The following COMMD1 variants were observed in gnomAD, a reference collection of about 807,000 sequenced individuals.
COMMD1 encodes COMM domain-containing protein 1.
COMMD1 carries 10 observed loss-of-function variants against 17.2 expected under a neutral mutation model. The observed-to-expected ratio is 0.58, with a 90% CI of 0.36 to 0.99. COMMD1 has a LOEUF of 0.99. COMMD1 is among the 50% of genes least tolerant of loss of function. The probability of loss-of-function intolerance (pLI) is 0.01; values close to 1 mark genes in which losing one functional copy is unlikely to be tolerated. For synonymous variants in COMMD1, 97 were observed against 91.6 expected, an observed-to-expected ratio of 1.06 and a Z score of -0.34; for missense variants, 270 against 231.8, an observed-to-expected ratio of 1.17 and a Z score of -1.07.
intron 1 of COMMD1, among the ~76,000 whole-genome samples, chr2:61,896,150 C>T (rs1669544378): frequency 6.6e-6 from 1 of 152,232 alleles, no homozygotes; most frequent in Non-Finnish European, 1.5e-5. Context: ...ATGACACCAT[C>T]AAAGGAAACT....
intron 1 of COMMD1, among the ~76,000 whole-genome samples, chr2:61,989,929 A>G (rs1257080441): frequency 6.6e-6 from 1 of 152,234 alleles, no homozygotes; most frequent in East Asian, 1.9e-4. Context: ...CTGCATTTTA[A>G]TAAATACCAC....
intron 2 of COMMD1, among the ~76,000 whole-genome samples, chr2:62,050,662 G>A (rs1386917548): frequency 6.6e-6 from 1 of 152,126 alleles, no homozygotes; most frequent in Non-Finnish European, 1.5e-5. Context: ...ATGCCTTGCT[G>A]TAGAAACTTC....
At chr2:62,098,886 T>C (rs1672094605) in intron 2 of COMMD1, among the ~76,000 whole-genome samples, 1 of 152,230 alleles carries the variant, frequency 6.6e-6, no homozygotes, top group Non-Finnish European at 1.5e-5. Flanking sequence ...CAGAGAACCC[T>C]GGATCATAAG....
At chr2:62,115,670 C>G (rs945910730) in intron 2 of COMMD1, among the ~76,000 whole-genome samples, 4 of 152,028 alleles carry the variant, frequency 2.6e-5, no homozygotes, top group Admixed American at 2.0e-4. Context: ...GAAATATACA[C>G]TAAGCTAAAT....
intron 1 of COMMD1, among the ~76,000 whole-genome samples, chr2:61,986,399 G>C (rs1172529725): frequency 1.3e-5 from 2 of 151,806 alleles, no homozygotes; most frequent in Non-Finnish European, 2.9e-5. Flanking sequence ...TAACCTTCTT[G>C]TTCTTGAATA....
chr2:62,019,224 A>T (rs1669545877), intron 2 of COMMD1, among the ~76,000 whole-genome samples: 2 of 149,506 alleles, frequency 1.3e-5, no homozygotes, highest in South Asian at 4.3e-4. Context: ...CCCAGGCTGG[A>T]GTGCAATGGC....
intron 1 of COMMD1, among the ~76,000 whole-genome samples, chr2:61,996,920 C>T (rs1374695172): frequency 6.6e-6 from 1 of 152,188 alleles, no homozygotes; most frequent in Non-Finnish European, 1.5e-5. Context: ...TTTTGACATT[C>T]TTCTATGAAT....
At chr2:62,008,353 CACAGACAG>C (rs1213779652) in intron 2 of COMMD1, among the ~76,000 whole-genome samples, 3 of 148,260 alleles carry the variant, frequency 2.0e-5, no homozygotes, top group Non-Finnish European at 4.4e-5. Context: ...CATACACACA[CACAGACAG>C]ACACACACAC....
chr2:61,950,841 A>G (rs1671033280), intron 1 of COMMD1, among the ~76,000 whole-genome samples: 1 of 152,186 alleles, frequency 6.6e-6, no homozygotes, highest in Non-Finnish European at 1.5e-5. Context: ...ACTTCATCAC[A>G]CTACTCAGAT....
At chr2:62,083,561 G>A (rs373970634) in intron 2 of COMMD1, among the ~76,000 whole-genome samples, 2 of 152,196 alleles carry the variant, frequency 1.3e-5, no homozygotes, top group East Asian at 3.8e-4. Flanking sequence ...CTCTCGAAGT[G>A]TCTAAGTCAG....
At chr2:62,106,483 G>A (rs940832780) in intron 2 of COMMD1, among the ~76,000 whole-genome samples, 1 of 152,184 alleles carries the variant, frequency 6.6e-6, no homozygotes, top group African/African-American at 2.4e-5. Context: ...TGTGTGAATA[G>A]TAGAGCATGC....
intron 1 of COMMD1, among the ~76,000 whole-genome samples, chr2:61,959,361 C>A (rs560053202): frequency 6.6e-6 from 1 of 152,156 alleles, no homozygotes; most frequent in South Asian, 2.1e-4. Flanking sequence ...GTATATATAG[C>A]TATGAATACT....
chr2:61,962,683 C>T (rs1433081770), intron 1 of COMMD1, among the ~76,000 whole-genome samples: 1 of 152,106 alleles, frequency 6.6e-6, no homozygotes, highest in South Asian at 2.1e-4. Context: ...TCTGTGGGAA[C>T]CCCTGAATCC....
chr2:61,959,728 TGC>T (rs1671289305), intron 1 of COMMD1, among the ~76,000 whole-genome samples: 1 of 152,200 alleles, frequency 6.6e-6, no homozygotes, highest in South Asian at 2.1e-4. Context: ...TTTTTGGTGT[TGC>T]AAAAAAAGAA....
At chr2:62,110,650 A>G (rs1261310855) in intron 2 of COMMD1, among the ~76,000 whole-genome samples, 1 of 152,116 alleles carries the variant, frequency 6.6e-6, no homozygotes, top group African/African-American at 2.4e-5. Context: ...TATGTGATTA[A>G]AGTCTCTGTG....
chr2:61,895,847 C>G (rs1669538624), intron 1 of COMMD1, among the ~76,000 whole-genome samples: 1 of 152,150 alleles, frequency 6.6e-6, no homozygotes. Context: ...GTCTGCAGAC[C>G]TCCATCCCAA....
At chr2:62,052,834 G>T (rs573476723) in intron 2 of COMMD1, among the ~76,000 whole-genome samples, 9 of 152,276 alleles carry the variant, frequency 5.9e-5, no homozygotes, top group African/African-American at 2.2e-4. Flanking sequence ...CATCACTTTG[G>T]GAGGTTAAGG....
At chr2:61,962,635 A>G (rs1671381781) in intron 1 of COMMD1, among the ~76,000 whole-genome samples, 1 of 152,312 alleles carries the variant, frequency 6.6e-6, no homozygotes, top group South Asian at 2.1e-4. Flanking sequence ...AGATCTCTGG[A>G]CACTGAAGTT....
chr2:61,977,238 T>C (rs1029823305), intron 1 of COMMD1, among the ~76,000 whole-genome samples: 1 of 147,916 alleles, frequency 6.8e-6, no homozygotes, highest in African/African-American at 2.6e-5. Context: ...AAAATAAAGT[T>C]TGCTTTTTTT....
Sources: gnomAD v4.1 joint callset for allele counts (sites outside exome capture counted in the v4.1 genomes callset) on GRCh38, gnomAD v4.1.1 for gene constraint, MANE v1.5 for transcripts, NCBI Gene and HGNC (gene_info 2026-07-23, HGNC 2026-07-21) for gene names.